The following MCPH1 variants were observed in gnomAD, a reference collection of about 807,000 sequenced individuals.
MCPH1 encodes the protein microcephalin 1.
In MCPH1, 104 loss-of-function variants were observed where a neutral mutation model predicts 84.5. The observed-to-expected ratio is 1.23, with a 90% CI of 1.05 to 1.45. The LOEUF is 1.45. Ranked by LOEUF, MCPH1 falls within the 40% of genes most tolerant of loss-of-function variation. The pLI is 0.00. For missense variants in MCPH1, 1,498 were observed against 1,005.7 expected (o/e 1.49, Z -6.62); for synonymous variants, 514 against 366.8 (o/e 1.40, Z -4.58).
At chr8:6,640,845 G>C (rs996780278) in intron 13 of MCPH1, among the ~76,000 whole-genome samples, 1 of 152,094 alleles carries the variant, frequency 6.6e-6, no homozygotes, top group Non-Finnish European at 1.5e-5. Flanking sequence ...TTCACTTACT[G>C]TATAATGTGA....
intron 12 of MCPH1, among the ~76,000 whole-genome samples, chr8:6,560,491 T>C (rs891650675): frequency 5.9e-5 from 9 of 152,306 alleles, no homozygotes; most frequent in African/African-American, 2.2e-4. Context: ...GCTTTTTTGT[T>C]TTCATTCCCA....
chr8:6,446,499 T>G, intron 8 of MCPH1: 8 of 984,616 alleles, frequency 8.1e-6, no homozygotes, highest in Non-Finnish European at 9.6e-6. Flanking sequence ...TGAAAATAAT[T>G]TTATGTTTTT....
chr8:6,437,334 A>C (rs991414809), intron 5 of MCPH1, among the ~76,000 whole-genome samples: 1 of 151,954 alleles, frequency 6.6e-6, no homozygotes, highest in African/African-American at 2.4e-5. Context: ...GGGTTCAAGC[A>C]ATTCTCCTGG....
At chr8:6,560,816 T>G (rs1825416480) in intron 12 of MCPH1, among the ~76,000 whole-genome samples, 1 of 152,236 alleles carries the variant, frequency 6.6e-6, no homozygotes, top group Non-Finnish European at 1.5e-5. Flanking sequence ...GAAAGAAATA[T>G]GAGCTTTGCT....
intron 2 of MCPH1, among the ~76,000 whole-genome samples, chr8:6,412,090 C>T (rs1798618109): frequency 6.6e-6 from 1 of 152,136 alleles, no homozygotes; most frequent in African/African-American, 2.4e-5. Context: ...AGAGTGGGTG[C>T]TACTGAATAC....
At chr8:6,632,614 C>T (rs1437693182) in intron 13 of MCPH1, among the ~76,000 whole-genome samples, 1 of 152,126 alleles carries the variant, frequency 6.6e-6, no homozygotes, top group African/African-American at 2.4e-5. Context: ...TCGAGACCAT[C>T]CTGGCTAACA....
intron 9 of MCPH1, among the ~76,000 whole-genome samples, chr8:6,459,943 A>C (rs1382989045): frequency 3.3e-5 from 5 of 152,220 alleles, no homozygotes; most frequent in African/African-American, 1.2e-4. Flanking sequence ...TGGATGCAGA[A>C]CCGCGAGAAG....
chr8:6,544,967 T>C (rs1400925323), intron 12 of MCPH1, among the ~76,000 whole-genome samples: 1 of 152,222 alleles, frequency 6.6e-6, no homozygotes, highest in Admixed American at 6.5e-5. Context: ...TGTTGCTCCA[T>C]GGAGACTGGT....
intron 9 of MCPH1, among the ~76,000 whole-genome samples, chr8:6,470,387 G>T (rs185804733): frequency 4.9e-4 from 74 of 152,160 alleles, no homozygotes; most frequent in Admixed American, 4.1e-3. Flanking sequence ...GGGTTCAAGC[G>T]ATTCTCCTAC....
At chr8:6,551,829 C>G (rs139722710) in intron 12 of MCPH1, among the ~76,000 whole-genome samples, 1 of 152,154 alleles carries the variant, frequency 6.6e-6, no homozygotes, top group African/African-American at 2.4e-5. Flanking sequence ...AATACAATAA[C>G]GTACTTTCTC....
At chr8:6,580,523 C>T (rs1384492603) in intron 12 of MCPH1, among the ~76,000 whole-genome samples, 3 of 152,210 alleles carry the variant, frequency 2.0e-5, no homozygotes, top group East Asian at 1.9e-4. Flanking sequence ...GGCATGGTGG[C>T]GTGTTCCTGT....
At chr8:6,577,878 A>T (rs1432700019) in intron 12 of MCPH1, among the ~76,000 whole-genome samples, 1 of 152,190 alleles carries the variant, frequency 6.6e-6, no homozygotes, top group Non-Finnish European at 1.5e-5. Flanking sequence ...ATTAATCCAG[A>T]ATTTATGTCT....
At chr8:6,447,432 G>A (rs536426556) in intron 8 of MCPH1, 3 of 985,230 alleles carry the variant, frequency 3.0e-6, no homozygotes, top group Admixed American at 6.1e-5. Context: ...TTTACTTGTT[G>A]CTGTTGTCAG....
chr8:6,562,888 G>A, intron 12 of MCPH1: 5 of 1,608,792 alleles, frequency 3.1e-6, no homozygotes, highest in Admixed American at 1.7e-5. Flanking sequence ...ATAGGCTGCG[G>A]CCAAGACAAG....
intron 9 of MCPH1, among the ~76,000 whole-genome samples, chr8:6,467,784 G>A (rs1298112706): frequency 6.6e-6 from 1 of 152,028 alleles, no homozygotes; most frequent in Non-Finnish European, 1.5e-5. Flanking sequence ...TTGTTTTAGA[G>A]ATGGGATTTG....
At chr8:6,545,239 G>C (rs566042051) in intron 12 of MCPH1, among the ~76,000 whole-genome samples, 33 of 152,286 alleles carry the variant, frequency 2.2e-4, no homozygotes, top group African/African-American at 7.7e-4. Flanking sequence ...TGCTGAAAAT[G>C]TTTCCTAGAT....
At chr8:6,408,331 G>A (rs781335961) in intron 1 of MCPH1, among the ~76,000 whole-genome samples, 10 of 151,824 alleles carry the variant, frequency 6.6e-5, no homozygotes, top group African/African-American at 2.4e-4. Context: ...TCAGCCTCCT[G>A]AGTAACTTGG....
At chr8:6,631,356 T>A (rs1201464362) in intron 13 of MCPH1, among the ~76,000 whole-genome samples, 1 of 151,944 alleles carries the variant, frequency 6.6e-6, no homozygotes, top group African/African-American at 2.4e-5. Flanking sequence ...AAGACTTCAG[T>A]GCATCAAAGG....
At chr8:6,579,494 G>T (rs1006186304) in intron 12 of MCPH1, among the ~76,000 whole-genome samples, 1 of 152,190 alleles carries the variant, frequency 6.6e-6, no homozygotes, top group South Asian at 2.1e-4. Context: ...ATTAGTAAGG[G>T]AAGTGTTTTT....
Sources: gnomAD v4.1 joint callset for allele counts (sites outside exome capture counted in the v4.1 genomes callset) on GRCh38, gnomAD v4.1.1 for gene constraint, MANE v1.5 for transcripts, NCBI Gene and HGNC (gene_info 2026-07-23, HGNC 2026-07-21) for gene names.